FOXN3: variants seen among roughly 807,000 people sequenced by gnomAD.
FOXN3 encodes the protein forkhead box protein N3.
FOXN3 carries 7 observed loss-of-function variants against 38.4 expected under a neutral mutation model. The observed-to-expected ratio is 0.18, with a 90% CI of 0.10 to 0.34. The LOEUF is 0.34. Among genes scored for constraint, FOXN3 ranks in the 10% least tolerant of loss-of-function variants. The probability of loss-of-function intolerance (pLI) is 1.00; values close to 1 mark genes in which losing one functional copy is unlikely to be tolerated. For synonymous variants in FOXN3, 230 were observed against 242.2 expected, an observed-to-expected ratio of 0.95 and a Z score of 0.47; for missense variants, 456 against 613.4, an observed-to-expected ratio of 0.74 and a Z score of 2.71.
intron 1 of FOXN3, among the ~76,000 whole-genome samples, chr14:89,422,624 G>A (rs1891938936): frequency 6.6e-6 from 1 of 152,192 alleles, no homozygotes; most frequent in African/African-American, 2.4e-5. Context: ...GAAAAGAGAC[G>A]GCGCCCCTCG....
rs573859072 is a variant in FOXN3, at chr14:89,561,186, C to T, written c.-15+57842G>A. 3.3e-4 allele frequency among the ~76,000 whole-genome samples: 50 copies of T among 152,304 alleles called. 1 individual carries two copies. Among genetic ancestry groups the T allele is most frequent in the African/African-American group, 1.1e-3 (45 of 41,572 alleles). On this transcript the variant is annotated intron_variant, in intron 1 of 6. Coordinates refer to the FOXN3 transcript ENST00000345097. ...CCCCACGGTGGCCTCGGCACATCTT[C>T]AAAGGCAGTATTTTGTTCATTCATT... is the stretch of plus-strand genomic sequence containing the variant.
chr14:89,363,961 TATATA>T (rs1566968875), intron 2 of FOXN3, among the ~76,000 whole-genome samples: 1 of 14,674 alleles, frequency 6.8e-5, no homozygotes, highest in African/African-American at 1.7e-4. Flanking sequence ...TATATATATA[TATATA>T]TATATATATA....
intron 1 of FOXN3, among the ~76,000 whole-genome samples, chr14:89,490,986 T>G (rs1007253215): frequency 6.6e-6 from 1 of 152,226 alleles, no homozygotes; most frequent in Non-Finnish European, 1.5e-5. Context: ...ATTTTTGTTT[T>G]TTTTTGAGAT....
intron 1 of FOXN3, among the ~76,000 whole-genome samples, chr14:89,588,377 A>G (rs1895887226): frequency 6.6e-6 from 1 of 152,286 alleles, no homozygotes; most frequent in Non-Finnish European, 1.5e-5. Flanking sequence ...ATCACCTAAT[A>G]TAGGACAAAA....
chr14:89,477,559 C>A (rs1287566258), intron 1 of FOXN3, among the ~76,000 whole-genome samples: 2 of 152,236 alleles, frequency 1.3e-5, no homozygotes, highest in African/African-American at 4.8e-5. Context: ...AAGAACACAG[C>A]TGCAAAGAGT....
chr14:89,316,601 T>A (rs532178985), intron 3 of FOXN3, among the ~76,000 whole-genome samples: 9 of 151,066 alleles, frequency 6.0e-5, no homozygotes, highest in Non-Finnish European at 1.2e-4. Context: ...GCTCAAGTGA[T>A]CCTCTCACCT....
Position 89,160,885 on chromosome 14 carries a change from A to AAAAAAACAAAAAC in FOXN3, c.*1516_*1528dup, listed in dbSNP as rs1222529692. ...AAAAACCAAAACAAAATAACCCGAAAAAAAAACAAAAACAAAAAACAAAAA... is the reference window on the plus strand; with the variant it reads ...AAAAACCAAAACAAAATAACCCGAAAAAAAAACAAAAACAAAAAACAAAAACAAAAAACAAAAA... On this transcript the variant is annotated 3_prime_UTR_variant, in exon 6 of 6. Coordinates refer to ENST00000557258, the MANE Select transcript of FOXN3 (RefSeq NM_005197.4). 1 of 152,514 alleles carries AAAAAAACAAAAAC rather than the reference A, an allele frequency of 6.6e-6. No individual in the cohort carries two copies. Among genetic ancestry groups the AAAAAAACAAAAAC allele is most frequent in the East Asian group, 1.9e-4 (1 of 5,200 alleles). 9.4% of individuals were successfully genotyped at this position (152,514 alleles called of 1,614,324 possible). A position where few individuals can be genotyped will look rare whatever the true frequency, so the allele number is the denominator to read the frequency against.
At chr14:89,316,227 T>C (rs956475188) in intron 3 of FOXN3, among the ~76,000 whole-genome samples, 1 of 152,156 alleles carries the variant, frequency 6.6e-6, no homozygotes, top group Non-Finnish European at 1.5e-5. Flanking sequence ...TCCTGAAGGA[T>C]GTGAGACCCC....
intron 1 of FOXN3, among the ~76,000 whole-genome samples, chr14:89,542,638 A>C (rs897932962): frequency 6.6e-6 from 1 of 152,210 alleles, no homozygotes; most frequent in Non-Finnish European, 1.5e-5. Context: ...GGCTGATGAG[A>C]TGGCTTGGAG....
intron 1 of FOXN3, among the ~76,000 whole-genome samples, chr14:89,481,171 C>T (rs1310986686): frequency 6.6e-6 from 1 of 151,732 alleles, no homozygotes; most frequent in Non-Finnish European, 1.5e-5. Context: ...GGGAAGGGGC[C>T]TGTTTGGATT....
At chr14:89,228,029 C>T (rs962000237) in intron 4 of FOXN3, among the ~76,000 whole-genome samples, 10 of 152,176 alleles carry the variant, frequency 6.6e-5, no homozygotes, top group Non-Finnish European at 1.5e-4. Context: ...AATGCACCAC[C>T]GTGCCTGGCC....
intron 5 of FOXN3, among the ~76,000 whole-genome samples, chr14:89,178,071 A>T (rs1345737443): frequency 6.6e-6 from 1 of 152,094 alleles, no homozygotes; most frequent in Non-Finnish European, 1.5e-5. Context: ...GCAGTGGAGT[A>T]ATCTCGGCTC....
At chr14:89,178,134 A>T (rs561761623) in intron 5 of FOXN3, among the ~76,000 whole-genome samples, 99 of 150,772 alleles carry the variant, frequency 6.6e-4, no homozygotes, top group Non-Finnish European at 1.3e-3. Context: ...CAGCCTCCAG[A>T]GTGGCTAGGT....
At chr14:89,430,750 C>T (rs1892137568) in intron 1 of FOXN3, among the ~76,000 whole-genome samples, 1 of 152,202 alleles carries the variant, frequency 6.6e-6, no homozygotes. Context: ...TTTTAAACCA[C>T]TTTGAATACT....
chr14:89,579,771 A>AT (rs1451950765), intron 1 of FOXN3, among the ~76,000 whole-genome samples: 2 of 151,578 alleles, frequency 1.3e-5, no homozygotes, highest in Non-Finnish European at 2.9e-5. Context: ...ATTCTTTGTC[A>AT]TTTTTTTTAC....
chr14:89,595,807 T>C (rs1303577898), intron 1 of FOXN3, among the ~76,000 whole-genome samples: 1 of 152,214 alleles, frequency 6.6e-6, no homozygotes, highest in Non-Finnish European at 1.5e-5. Context: ...ACGCATTAAG[T>C]ATGTTTTTTA....
intron 4 of FOXN3, among the ~76,000 whole-genome samples, chr14:89,246,542 CTTTTT>C (rs755916666): frequency 1.2e-5 from 1 of 83,986 alleles, no homozygotes. Context: ...CAGGATGCGG[CTTTTT>C]TTTTTTTTTT....
chr14:89,451,736 C>T (rs2139712320), intron 1 of FOXN3, among the ~76,000 whole-genome samples: 1 of 152,280 alleles, frequency 6.6e-6, no homozygotes, highest in East Asian at 1.9e-4. Context: ...ACTGTATTCG[C>T]TCACTATCCA....
intron 2 of FOXN3, among the ~76,000 whole-genome samples, chr14:89,372,879 G>C (rs1890363440): frequency 6.6e-6 from 1 of 152,204 alleles, no homozygotes; most frequent in Admixed American, 6.5e-5. Flanking sequence ...CTTTCAACAA[G>C]TTAAATGTAG....
Sources: allele counts gnomAD v4.1 joint callset (sites outside exome capture counted in the v4.1 genomes callset), GRCh38; gene constraint gnomAD v4.1.1; transcripts MANE v1.5; gene names NCBI Gene and HGNC (gene_info 2026-07-23, HGNC 2026-07-21).